The following BCAS3 variants were observed in gnomAD, a reference collection of about 807,000 sequenced individuals.
BCAS3 encodes the protein BCAS3 microtubule associated cell migration factor, also known as BCAS4/BCAS3 fusion.
A neutral mutation model predicts 116.1 loss-of-function variants in BCAS3; 53 were observed. The ratio of observed to expected loss-of-function variants is 0.46; its 90% CI spans 0.37 to 0.57. The LOEUF (loss-of-function observed/expected upper bound fraction) is 0.57, where lower values mean the gene tolerates loss of function less well. Among genes scored for constraint, BCAS3 ranks in the 20% least tolerant of loss-of-function variants. The pLI, the probability that BCAS3 is intolerant of heterozygous loss-of-function variation, is 0.00. For synonymous variants in BCAS3, 391 were observed against 408.2 expected (o/e 0.96, Z 0.51); for missense variants, 917 against 1,165.4 (o/e 0.79, Z 3.10).
chr17:61,336,286 C>T (rs980809911), intron 22 of BCAS3, among the ~76,000 whole-genome samples: 1 of 152,250 alleles, frequency 6.6e-6, no homozygotes, highest in African/African-American at 2.4e-5. Context: ...GCATACATTA[C>T]CCTGCTCTAT....
chr17:60,897,639 T>C (rs1214176975), intron 10 of BCAS3, among the ~76,000 whole-genome samples: 2 of 152,166 alleles, frequency 1.3e-5, no homozygotes, highest in Non-Finnish European at 2.9e-5. Flanking sequence ...GACTGGATTG[T>C]TTCAAAAGAT....
intron 6 of BCAS3, among the ~76,000 whole-genome samples, chr17:60,780,556 G>GC (rs985195092): frequency 1.3e-5 from 2 of 151,674 alleles, no homozygotes; most frequent in African/African-American, 4.8e-5. Context: ...ACCTGCCTTA[G>GC]CCCCCCAAAG....
rs1341964009 is a variant in BCAS3, at chr17:61,323,017, A to G, written c.2426-45310A>G. 6.6e-6 allele frequency among the ~76,000 whole-genome samples: 1 copy of G among 151,908 alleles called. No individual in the cohort carries two copies. The highest frequency in any genetic ancestry group is 1.5e-5 in the Non-Finnish European group (1 of 67,984). ...TTTTTTTTAAAGGCGTGTTGTGGCT[A>G]TTTTGATGCCTTTTGAAAGTGCCAC... On this transcript the variant is annotated intron_variant, in intron 22 of 23. Coordinates refer to ENST00000407086, the MANE Select transcript of BCAS3 (RefSeq NM_017679.5). The surrounding 1 kb of genome is among the most constrained non-coding windows in gnomAD (Gnocchi z 4.6).
At chr17:60,935,951 C>T (rs1203423008) in intron 13 of BCAS3, among the ~76,000 whole-genome samples, 2 of 151,802 alleles carry the variant, frequency 1.3e-5, no homozygotes, top group Non-Finnish European at 2.9e-5. Context: ...TGGTGTGCTG[C>T]ACCCAGTAAC....
intron 22 of BCAS3, among the ~76,000 whole-genome samples, chr17:61,210,187 A>G (rs9896223): frequency 0.062 from 9,383 of 152,274 alleles, 987 homozygotes; most frequent in African/African-American, 0.21. Context: ...AAATTTATCC[A>G]TATCTCAGAA....
intron 6 of BCAS3, among the ~76,000 whole-genome samples, chr17:60,777,072 G>A (rs1049664741): frequency 3.3e-5 from 5 of 151,242 alleles, no homozygotes; most frequent in African/African-American, 1.2e-4. Flanking sequence ...GTGTGTGTGC[G>A]TGTGTATATA....
chr17:60,943,403 T>C (rs1157119001), intron 13 of BCAS3, among the ~76,000 whole-genome samples: 1 of 152,066 alleles, frequency 6.6e-6, no homozygotes, highest in Non-Finnish European at 1.5e-5. Flanking sequence ...ATATATACCA[T>C]GCAAGTACCA....
chr17:61,159,775 C>G (rs993155948), intron 22 of BCAS3, among the ~76,000 whole-genome samples: 1 of 152,154 alleles, frequency 6.6e-6, no homozygotes, highest in Non-Finnish European at 1.5e-5. Context: ...ATGTAACATT[C>G]AAGAAAAATC....
chr17:61,322,079 A>C (rs2055270100), intron 22 of BCAS3, among the ~76,000 whole-genome samples: 3 of 152,028 alleles, frequency 2.0e-5, no homozygotes, highest in South Asian at 4.2e-4. Flanking sequence ...GATTACAGGC[A>C]TGCACCACCA....
At chr17:60,801,527 T>G (rs1048878601) in intron 6 of BCAS3, among the ~76,000 whole-genome samples, 1 of 152,126 alleles carries the variant, frequency 6.6e-6, no homozygotes, top group Non-Finnish European at 1.5e-5. Flanking sequence ...CAGTACTCTA[T>G]TGAAAAACAG....
intron 13 of BCAS3, among the ~76,000 whole-genome samples, chr17:60,926,098 G>A (rs2145165757): frequency 6.6e-6 from 1 of 152,228 alleles, no homozygotes. Flanking sequence ...TCCAGTTCTG[G>A]AGCATTTCAG....
chr17:61,052,695 GTTTCTTTC>G (rs1222418623), intron 19 of BCAS3, among the ~76,000 whole-genome samples: 2 of 146,886 alleles, frequency 1.4e-5, no homozygotes, highest in African/African-American at 2.5e-5. Context: ...TCTGTTGTGA[GTTTCTTTC>G]TTTCTTTCTT....
chr17:61,297,900 T>G (rs910418744), intron 22 of BCAS3, among the ~76,000 whole-genome samples: 1 of 145,940 alleles, frequency 6.9e-6, no homozygotes, highest in Non-Finnish European at 1.5e-5. Flanking sequence ...CTAAAAAGAC[T>G]GTTTCCAATA....
intron 8 of BCAS3, among the ~76,000 whole-genome samples, chr17:60,873,685 A>G (rs1231989999): frequency 6.6e-6 from 1 of 152,202 alleles, no homozygotes; most frequent in East Asian, 1.9e-4. Context: ...TTGTTAGTGA[A>G]TTTTACTATA....
intron 6 of BCAS3, among the ~76,000 whole-genome samples, chr17:60,748,062 G>T (rs950701672): frequency 2.0e-5 from 3 of 151,326 alleles, no homozygotes; most frequent in Non-Finnish European, 2.9e-5. Context: ...AATCATGTTT[G>T]GATACTTTAA....
In BCAS3 at chr17:61,171,318, C is replaced by T. The variant is rs554044214; in HGVS notation, c.2425+86754C>T. ...CAGTTAACAAATGAGATAAAAATGG[C>T]ATCCTAAAAATATTCAGTAGATCCA... On this transcript the variant is annotated intron_variant, in intron 22 of 23. Transcript: ENST00000407086. The surrounding 1 kb of genome is among the most constrained non-coding windows in gnomAD (Gnocchi z 4.1). Among the ~76,000 whole-genome samples, 2 of 151,968 alleles carry T rather than the reference C, an allele frequency of 1.3e-5. No homozygotes were observed. The highest frequency in any genetic ancestry group is 3.9e-4 in the East Asian group (2 of 5,170).
intron 4 of BCAS3, among the ~76,000 whole-genome samples, chr17:60,704,961 G>A (rs185307700): frequency 6.6e-6 from 1 of 151,988 alleles, no homozygotes; most frequent in Non-Finnish European, 1.5e-5. Flanking sequence ...CTATCTTGTT[G>A]TTGGGCCTCT....
Position 61,278,764 on chromosome 17 carries a change from T to C in BCAS3, c.2426-89563T>C, listed in dbSNP as rs1374238931. Among the ~76,000 whole-genome samples the C allele has an allele frequency of 6.6e-6, 1 of 152,176 alleles. No homozygotes were observed. Among genetic ancestry groups the C allele is most frequent in the Non-Finnish European group, 1.5e-5 (1 of 68,042 alleles). ...TTCCACTTATATGACATGTCCAGAA[T>C]AGGAAAATCTATAGAGACAGAAAGT... On this transcript the variant is annotated intron_variant, in intron 22 of 23. Coordinates refer to ENST00000407086, the MANE Select transcript of BCAS3 (RefSeq NM_017679.5). The surrounding 1 kb of genome is among the most constrained non-coding windows in gnomAD (Gnocchi z 5.8).
intron 22 of BCAS3, among the ~76,000 whole-genome samples, chr17:61,334,679 A>C (rs560399438): frequency 2.0e-4 from 31 of 151,804 alleles, no homozygotes; most frequent in Admixed American, 7.9e-4. Context: ...AAAAAAAAAA[A>C]AAAAAAAAAA....
Sources: allele counts gnomAD v4.1 joint callset (sites outside exome capture counted in the v4.1 genomes callset), GRCh38; gene constraint gnomAD v4.1.1; non-coding constraint Gnocchi (gnomAD v3.1); transcripts MANE v1.5; gene names NCBI Gene and HGNC (gene_info 2026-07-23, HGNC 2026-07-21).